ROBO1: variants seen among roughly 807,000 people sequenced by gnomAD.
ROBO1 encodes the protein roundabout guidance receptor 1.
ROBO1 carries 149 observed loss-of-function variants against 195.9 expected under a neutral mutation model. The observed-to-expected ratio is 0.76, with a 90% CI of 0.67 to 0.87. ROBO1 has a LOEUF of 0.87. ROBO1 is among the 40% of genes least tolerant of loss of function. The pLI is 0.00. For synonymous variants in ROBO1, 816 were observed against 733.2 expected (o/e 1.11, Z -1.82); for missense variants, 1,933 against 2,068.3 (o/e 0.93, Z 1.27).
At chr3:79,656,596 A>G (rs1206327097) in intron 1 of ROBO1, among the ~76,000 whole-genome samples, 1 of 152,082 alleles carries the variant, frequency 6.6e-6, no homozygotes, top group Non-Finnish European at 1.5e-5. Context: ...TTGAAAAGAA[A>G]GAATAAATAT....
chr3:79,762,461 C>A (rs992440530), intron 1 of ROBO1, among the ~76,000 whole-genome samples: 5 of 152,052 alleles, frequency 3.3e-5, no homozygotes, highest in African/African-American at 1.2e-4. Flanking sequence ...ATTTCAGAGG[C>A]ATTATTAAAT....
Position 78,940,927 on chromosome 3 carries a change from G to T in ROBO1, c.173-2000C>A, listed in dbSNP as rs555638929. 1.9e-3 allele frequency among the ~76,000 whole-genome samples: 291 copies of T among 152,294 alleles called. 1 individual carries two copies. The highest frequency in any genetic ancestry group is 6.8e-3 in the African/African-American group (283 of 41,554). ...CAAGAAAGACCTAACTAAGCAGAAGGAGAGGAAGTTTAACAATCATGTATT... is the reference window on the plus strand; with the variant it reads ...CAAGAAAGACCTAACTAAGCAGAAGTAGAGGAAGTTTAACAATCATGTATT... On this transcript the variant is annotated intron_variant, in intron 3 of 30. Coordinates refer to ENST00000464233, the MANE Select transcript of ROBO1 (RefSeq NM_002941.4).
At chr3:79,135,503 T>A (rs2080388882) in intron 2 of ROBO1, among the ~76,000 whole-genome samples, 1 of 152,160 alleles carries the variant, frequency 6.6e-6, no homozygotes, top group Admixed American at 6.5e-5. Context: ...ACATACTTAG[T>A]TTTTAGGATA....
intron 1 of ROBO1, among the ~76,000 whole-genome samples, chr3:79,660,558 TC>T (rs1278323469): frequency 5.9e-5 from 9 of 152,106 alleles, no homozygotes; most frequent in Admixed American, 5.9e-4. Context: ...CCAACAACTG[TC>T]CCTTTACATT....
intron 3 of ROBO1, among the ~76,000 whole-genome samples, chr3:79,077,554 T>C (rs539769107): frequency 2.6e-4 from 39 of 152,026 alleles, no homozygotes; most frequent in South Asian, 6.2e-4. Context: ...ACATATTTTG[T>C]CACATTACTA....
At chr3:79,263,781 T>A (rs983013042) in intron 2 of ROBO1, among the ~76,000 whole-genome samples, 1 of 152,122 alleles carries the variant, frequency 6.6e-6, no homozygotes, top group African/African-American at 2.4e-5. Flanking sequence ...CCTCCCATTT[T>A]CTTCTTTTTC....
At position 78,717,867 on chromosome 3, in the gene ROBO1, A is replaced by G; in HGVS notation, c.674T>C (p.Leu225Pro). 1 of 1,613,618 alleles carries G rather than the reference A, an allele frequency of 6.2e-7. No homozygotes were observed. The highest frequency in any genetic ancestry group is 8.5e-7 in the Non-Finnish European group (1 of 1,179,652). ...ACTTTTACGGGTGTAAGTGATCATG[A>G]GCTTTCCTCCTCGTATCTTAAAAAA... The part of the protein sequence containing the change: ...DERITIRGGK[L>P]MITYTRKSDA... Residue 225 changes from leucine to proline, a missense_variant, in exon 6 of 31, where the codon CTC becomes CCC. Coordinates refer to ENST00000464233, the MANE Select transcript of ROBO1 (RefSeq NM_002941.4).
intron 2 of ROBO1, among the ~76,000 whole-genome samples, chr3:79,243,885 T>C (rs1052764769): frequency 1.2e-4 from 18 of 152,190 alleles, no homozygotes; most frequent in South Asian, 6.2e-4. Flanking sequence ...TTTTGGTGTT[T>C]TAGACATGAA....
chr3:79,366,532 C>A (rs2035982535), intron 2 of ROBO1, among the ~76,000 whole-genome samples: 1 of 152,142 alleles, frequency 6.6e-6, no homozygotes, highest in Non-Finnish European at 1.5e-5. Flanking sequence ...TATCTTAGTG[C>A]TCTCTTGGCA....
Position 78,717,406 on chromosome 3 carries a change from T to C in ROBO1, c.786A>G (p.Pro262=), listed in dbSNP as rs773747834. 4.3e-6 allele frequency: 7 copies of C among 1,613,746 alleles called. No homozygotes were observed. The East Asian group carries it at 8.9e-5, about 21-fold the overall frequency. ...EVAELTVLER[P]SFVKRPSNLA... ...AGTTACTGGGTCTCTTCACAAATGATGGTCTCTCTAAAATTAAAAAGAGTC... is the reference window on the plus strand; with the variant it reads ...AGTTACTGGGTCTCTTCACAAATGACGGTCTCTCTAAAATTAAAAAGAGTC... Residue 262 remains proline, a synonymous_variant, in exon 7 of 31, where the codon CCA becomes CCG. Transcript: ENST00000464233.
chr3:79,589,337 CTA>C (rs1350446099), intron 2 of ROBO1, among the ~76,000 whole-genome samples: 1 of 151,704 alleles, frequency 6.6e-6, no homozygotes, highest in Non-Finnish European at 1.5e-5. Context: ...ACAGTGGTAA[CTA>C]TGGTAGCAAC....
rs2039958475 is a variant in ROBO1, at chr3:78,938,731, C to T, written c.369G>A (p.Pro123=). The T allele has an allele frequency of 3.1e-6, 5 of 1,613,940 alleles. No individual in the cohort carries two copies. The highest frequency in any genetic ancestry group is 4.2e-6 in the Non-Finnish European group (5 of 1,179,886). ...TACGTAAGAAAAATAAAGATCCACT[C>T]GGCAGCAACATTCGGTGTGAGCGAG... ...DDPRSHRMLL[P]SGSLFFLRIV... The change falls in exon 4 of 31, where the codon CCG becomes CCA. Residue 123 remains proline (P), a synonymous_variant. Transcript: ENST00000464233.
chr3:78,671,232 G>T (rs1708048163), intron 10 of ROBO1, among the ~76,000 whole-genome samples: 1 of 151,656 alleles, frequency 6.6e-6, no homozygotes, highest in South Asian at 2.1e-4. Flanking sequence ...GTTGGAACTA[G>T]AATAAATCCT....
At chr3:78,994,083 T>A (rs2077302013) in intron 3 of ROBO1, among the ~76,000 whole-genome samples, 1 of 152,186 alleles carries the variant, frequency 6.6e-6, no homozygotes, top group Non-Finnish European at 1.5e-5. Flanking sequence ...TCAGCCAAAT[T>A]GATCTATATA....
At chr3:79,510,062 A>T (rs1483171077) in intron 2 of ROBO1, among the ~76,000 whole-genome samples, 1 of 152,120 alleles carries the variant, frequency 6.6e-6, no homozygotes, top group Non-Finnish European at 1.5e-5. Flanking sequence ...TGATGCTTAC[A>T]AAGAATATGT....
chr3:78,914,724 T>C (rs941628087), intron 4 of ROBO1, among the ~76,000 whole-genome samples: 8 of 146,834 alleles, frequency 5.4e-5, no homozygotes, highest in Non-Finnish European at 1.2e-4. Flanking sequence ...TATTTATAAT[T>C]TTATATATTA....
chr3:78,683,532 A>C (rs1223355659), intron 10 of ROBO1, among the ~76,000 whole-genome samples: 3 of 152,012 alleles, frequency 2.0e-5, no homozygotes, highest in Non-Finnish European at 4.4e-5. Flanking sequence ...AGCTACAATA[A>C]TTAACACATA....
intron 1 of ROBO1, among the ~76,000 whole-genome samples, chr3:79,593,087 G>A (rs879603808): frequency 2.6e-5 from 4 of 151,882 alleles, no homozygotes; most frequent in Admixed American, 6.6e-5. Flanking sequence ...TGTCTTGATA[G>A]CTAATGTCTT....
chr3:78,703,437 G>C (rs886239238), intron 8 of ROBO1, among the ~76,000 whole-genome samples: 2 of 152,160 alleles, frequency 1.3e-5, no homozygotes, highest in Non-Finnish European at 2.9e-5. Flanking sequence ...TGCTCACAAA[G>C]AGCTCAACTG....
Sources: gnomAD v4.1 joint callset for allele counts (sites outside exome capture counted in the v4.1 genomes callset) on GRCh38, gnomAD v4.1.1 for gene constraint, MANE v1.5 for transcripts, NCBI Gene and HGNC (gene_info 2026-07-23, HGNC 2026-07-21) for gene names.